TIGAR: variants seen among roughly 807,000 people sequenced by gnomAD.
TIGAR encodes the protein TP53 induced glycolysis regulatory phosphatase, also known as fructose-2,6-bisphosphatase TIGAR.
A neutral mutation model predicts 17.9 loss-of-function variants in TIGAR; 7 were observed. The ratio of observed to expected loss-of-function variants is 0.39; its 90% CI spans 0.22 to 0.73. The LOEUF (loss-of-function observed/expected upper bound fraction) is 0.73, where lower values mean the gene tolerates loss of function less well. Ranked by LOEUF, TIGAR falls within the 30% of genes least tolerant of loss-of-function variation. The pLI is 0.42. For missense variants in TIGAR, 258 were observed against 327.4 expected (o/e 0.79, Z 1.64); for synonymous variants, 94 against 108.6 (o/e 0.87, Z 0.84).
At chr12:4,349,558 C>T (rs1435377724) in intron 3 of TIGAR, among the ~76,000 whole-genome samples, 1 of 152,088 alleles carries the variant, frequency 6.6e-6, no homozygotes, top group Non-Finnish European at 1.5e-5. Context: ...GCTGGAACTA[C>T]AGGTGCGTGC....
intron 1 of TIGAR, among the ~76,000 whole-genome samples, chr12:4,322,801 C>G (rs564142648): frequency 6.6e-6 from 1 of 152,094 alleles, no homozygotes; most frequent in East Asian, 1.9e-4. Context: ...TCCTCACTAT[C>G]TCTTCTCCCA....
At position 4,357,577 on chromosome 12, in the gene TIGAR, G is replaced by A. The variant is rs924594033; in HGVS notation, c.*4886G>A. Among the ~76,000 whole-genome samples, 2 of 152,144 alleles carry A rather than the reference G, an allele frequency of 1.3e-5. No homozygotes were observed. The highest frequency in any genetic ancestry group is 2.9e-5 in the Non-Finnish European group (2 of 68,020). On this transcript the variant is annotated 3_prime_UTR_variant, in exon 6 of 6. Coordinates refer to ENST00000179259, the MANE Select transcript of TIGAR (RefSeq NM_020375.3). ...GATTGAAGTATGTGTCAGTTCCTTT[G>A]TGTCCAAACAAGATGGCTAAGTAGG...
At chr12:4,344,493 C>T (rs1007319267) in intron 3 of TIGAR, among the ~76,000 whole-genome samples, 3 of 152,092 alleles carry the variant, frequency 2.0e-5, no homozygotes, top group African/African-American at 7.2e-5. Context: ...ACTGGCAAAC[C>T]GAATCCAGCA....
chr12:4,352,766 T>C lies in TIGAR; in HGVS notation c.*75T>C. The C allele has an allele frequency of 7.1e-7, 1 of 1,408,528 alleles. No homozygotes were observed. The highest frequency in any genetic ancestry group is 2.4e-5 in the East Asian group (1 of 42,174). The allele number at this position is 1,408,528 out of a possible 1,614,324, so 87.3% of individuals were successfully genotyped here. A position where few individuals can be genotyped will look rare whatever the true frequency, so the allele number is the denominator to read the frequency against. ...CCATTGGCTTTATTTACTTCTCTCC[T>C]CTGCTAGTTCTGATTTGGAAACAGT... On this transcript the variant is annotated 3_prime_UTR_variant, in exon 6 of 6. Coordinates refer to ENST00000179259, the MANE Select transcript of TIGAR (RefSeq NM_020375.3).
At chr12:4,337,415 C>G (rs1327473035) in intron 3 of TIGAR, among the ~76,000 whole-genome samples, 1 of 152,176 alleles carries the variant, frequency 6.6e-6, no homozygotes, top group African/African-American at 2.4e-5. Context: ...TTGCCTCAGC[C>G]TCCCAAAGTG....
At chr12:4,332,245 T>C (rs1001929746) in intron 2 of TIGAR, among the ~76,000 whole-genome samples, 9 of 141,334 alleles carry the variant, frequency 6.4e-5, no homozygotes, top group Non-Finnish European at 1.4e-4. Context: ...TTTCTTTTTT[T>C]TTTTTTTTTT....
At position 4,356,888 on chromosome 12, in the gene TIGAR, G is replaced by A. The variant is rs1014419556; in HGVS notation, c.*4197G>A. ...CTTAGGCTCCCTTGCACCTGGAGTC[G>A]AAACCATGGCTCCCATTCACCTGTC... On this transcript the variant is annotated 3_prime_UTR_variant, in exon 6 of 6. Transcript: ENST00000179259. Among the ~76,000 whole-genome samples, 11 of 152,134 alleles carry A rather than the reference G, an allele frequency of 7.2e-5. No homozygotes were observed. The highest frequency in any genetic ancestry group is 1.9e-4 in the African/African-American group (8 of 41,422).
chr12:4,348,350 A>G (rs923888053), intron 3 of TIGAR, among the ~76,000 whole-genome samples: 1 of 152,206 alleles, frequency 6.6e-6, no homozygotes, highest in Non-Finnish European at 1.5e-5. Context: ...CAGGATAAGT[A>G]AAGAAACCCA....
Position 4,349,826 on chromosome 12 carries a change from A to G in TIGAR, c.200A>G (p.His67Arg), listed in dbSNP as rs141261134. Residue 67 changes from histidine (H) to arginine (R), a missense_variant, in exon 4 of 6, where the codon CAT becomes CGT. His to Arg is a conservative substitution (Grantham distance 29). Transcript: ENST00000179259. Reference sequence around the variant, plus strand: ...AATTGTCTTGATTTTCAGACCATGCATGGAATTTTGGAGAGAAGCAAATTT... The same window carrying G: ...AATTGTCTTGATTTTCAGACCATGCGTGGAATTTTGGAGAGAAGCAAATTT... ...SDLMRTKQTM[H>R]GILERSKFCK... The G allele has an allele frequency of 1.0e-5, 16 of 1,583,184 alleles. No individual in the cohort carries two copies. The highest frequency in any genetic ancestry group is 9.4e-5 in the Admixed American group (5 of 53,098).
At chr12:4,350,014 T>C in intron 4 of TIGAR, 118 bp downstream of exon 4, 1 of 677,960 alleles carries the variant, frequency 1.5e-6, no homozygotes, top group South Asian at 2.2e-5. Context: ...AGTGAAAATA[T>C]TTAAGAATCT....
chr12:4,349,713 G>T (rs1864817102), intron 3 of TIGAR, 106 bp from the exon 4 acceptor site: 3 of 937,442 alleles, frequency 3.2e-6, no homozygotes, highest in Middle Eastern at 3.0e-4. Context: ...CACCGTGCCT[G>T]GTTCTAGTTC....
At position 4,357,776 on chromosome 12, in the gene TIGAR, C is replaced by G. The variant is rs1201280299; in HGVS notation, c.*5085C>G. 6.6e-6 allele frequency among the ~76,000 whole-genome samples: 1 copy of G among 152,170 alleles called. No individual in the cohort carries two copies. The highest frequency in any genetic ancestry group is 1.5e-5 in the Non-Finnish European group (1 of 68,036). On this transcript the variant is annotated 3_prime_UTR_variant, in exon 6 of 6. Transcript: ENST00000179259. Reference sequence around the variant, plus strand: ...TTGTCAGAAGGCCTGGATTCAGGTTCAAGGCCTGGTTCTTAGTAATTTTGT... The same window carrying G: ...TTGTCAGAAGGCCTGGATTCAGGTTGAAGGCCTGGTTCTTAGTAATTTTGT...
Position 4,337,119 on chromosome 12 carries a change from T to A in TIGAR, c.151T>A (p.Phe51Ile). 6.2e-7 allele frequency: 1 copy of A among 1,613,594 alleles called. No individual in the cohort carries two copies. Among genetic ancestry groups the A allele is most frequent in the Non-Finnish European group, 8.5e-7 (1 of 1,179,536 alleles). ...AAGIFLNNVK[F>I]THAFSSDLMR... ...TGGTATATTTCTGAATAATGTGAAG[T>A]TTACTCATGCTTTCTCCAGTGATCT... Residue 51 changes from phenylalanine to isoleucine, a missense_variant, in exon 3 of 6, where the codon TTT becomes ATT. Physicochemically the swap from Phe to Ile is conservative, Grantham distance 21 (BLOSUM62 0). Coordinates refer to ENST00000179259, the MANE Select transcript of TIGAR (RefSeq NM_020375.3).
At chr12:4,324,217 T>C (rs143646508) in intron 1 of TIGAR, among the ~76,000 whole-genome samples, 1 of 152,144 alleles carries the variant, frequency 6.6e-6, no homozygotes, top group Non-Finnish European at 1.5e-5. Context: ...CCAACACGTG[T>C]AGGTTGGCAT....
chr12:4,330,158 AT>A (rs199752254), intron 1 of TIGAR, among the ~76,000 whole-genome samples: 1 of 151,714 alleles, frequency 6.6e-6, no homozygotes, highest in African/African-American at 2.4e-5. Context: ...GGTCTGGTAG[AT>A]TTTTTTTTCT....
chr12:4,330,843 C>T (rs1412029120), intron 1 of TIGAR, among the ~76,000 whole-genome samples: 5 of 152,306 alleles, frequency 3.3e-5, no homozygotes, highest in Admixed American at 1.3e-4. Context: ...GGTTTGTGCA[C>T]GTCTCTCCCA....
chr12:4,338,057 G>A lies in TIGAR; in HGVS notation c.192+897G>A, dbSNP rs965587739. The stretch of plus-strand genomic sequence containing the variant: ...AGGCAGGAGAATCGCTTGAACACAG[G>A]AGGCAGAGGTTGCAGTGAGCCAAGA... On this transcript the variant is annotated intron_variant, in intron 3 of 5. Transcript: ENST00000179259. Among the ~76,000 whole-genome samples, 28 of 152,162 alleles carry A rather than the reference G, an allele frequency of 1.8e-4. 1 individual carries two copies. Among genetic ancestry groups the A allele is most frequent in the Admixed American group, 3.9e-4 (6 of 15,282 alleles).
intron 3 of TIGAR, among the ~76,000 whole-genome samples, chr12:4,342,069 A>G (rs1319893990): frequency 6.6e-6 from 1 of 152,248 alleles, no homozygotes; most frequent in Non-Finnish European, 1.5e-5. Context: ...AAACCATGGC[A>G]TGAGAACTAC....
At chr12:4,352,204 G>A (rs1205840667) in intron 5 of TIGAR, 56 bp from the exon 6 acceptor site, 7 of 1,478,764 alleles carry the variant, frequency 4.7e-6, no homozygotes, top group Admixed American at 2.0e-5. Context: ...CTATGTTAAC[G>A]TTTTAAGGAA....
Sources: gnomAD v4.1 joint callset for allele counts (sites outside exome capture counted in the v4.1 genomes callset) on GRCh38, gnomAD v4.1.1 for gene constraint, MANE v1.5 for transcripts, NCBI Gene and HGNC (gene_info 2026-07-23, HGNC 2026-07-21) for gene names.